NF2: variants seen among roughly 807,000 people sequenced by gnomAD.
NF2 encodes the protein NF2, moesin-ezrin-radixin like (MERLIN) tumor suppressor.
In NF2, 8 loss-of-function variants were observed where a neutral mutation model predicts 83.7. The ratio of observed to expected loss-of-function variants is 0.10; its 90% CI spans 0.06 to 0.17. The LOEUF (loss-of-function observed/expected upper bound fraction) is 0.17, where lower values mean the gene tolerates loss of function less well. NF2 is among the 10% of genes least tolerant of loss of function. The pLI is 1.00. For synonymous variants in NF2, 266 were observed against 269.6 expected, an observed-to-expected ratio of 0.99 and a Z score of 0.13; for missense variants, 533 against 744.4, an observed-to-expected ratio of 0.72 and a Z score of 3.31.
At chr22:29,622,644 G>GTTTTTTTTTTTTT (rs1272153540) in intron 1 of NF2, among the ~76,000 whole-genome samples, 1 of 98,610 alleles carries the variant, frequency 1.0e-5, no homozygotes, top group African/African-American at 3.6e-5. Context: ...GGAAGACCCT[G>GTTTTTTTTTTTTT]TATTTTTTTT....
At chr22:29,632,151 G>T (rs909607568) in intron 1 of NF2, among the ~76,000 whole-genome samples, 2 of 151,754 alleles carry the variant, frequency 1.3e-5, no homozygotes, top group Non-Finnish European at 1.5e-5. Flanking sequence ...TTTTTATTTT[G>T]TTTTTTTTGT....
chr22:29,667,496 T>C (rs1378060136), intron 9 of NF2, among the ~76,000 whole-genome samples: 2 of 152,110 alleles, frequency 1.3e-5, no homozygotes, highest in Admixed American at 6.6e-5. Flanking sequence ...CTGCCTCCCC[T>C]TCCCAAAGTG....
Position 29,695,662 on chromosome 22 carries a change from C to T in NF2, c.*860C>T, listed in dbSNP as rs962811939. 1.4e-4 allele frequency: 32 copies of T among 233,756 alleles called. No homozygotes were observed. Among genetic ancestry groups the T allele is most frequent in the African/African-American group, 5.1e-4 (23 of 45,464 alleles). 14.5% of individuals were successfully genotyped at this position (233,756 alleles called of 1,614,324 possible). A position where few individuals can be genotyped will look rare whatever the true frequency, so the allele number is the denominator to read the frequency against. On this transcript the variant is annotated 3_prime_UTR_variant, in exon 16 of 16. Transcript: ENST00000338641. The surrounding 1 kb of genome is among the most constrained non-coding windows in gnomAD (Gnocchi z 5.4). ...CCCTGGTCGTACTGCAGTCAGCACCCGTAACCCGGCTATGACCAGGGATCT... is the reference window on the plus strand; with the variant it reads ...CCCTGGTCGTACTGCAGTCAGCACCTGTAACCCGGCTATGACCAGGGATCT...
chr22:29,644,010 G>GC (rs1167380278), intron 4 of NF2, among the ~76,000 whole-genome samples: 7 of 120,640 alleles, frequency 5.8e-5, no homozygotes, highest in African/African-American at 2.3e-4. Context: ...GGCTGGCCTG[G>GC]CCGGGGGGCT....
chr22:29,612,335 AT>A (rs891333490), intron 1 of NF2, among the ~76,000 whole-genome samples: 84 of 147,908 alleles, frequency 5.7e-4, no homozygotes, highest in Middle Eastern at 3.5e-3. Flanking sequence ...TAATTAATTG[AT>A]TTTTTTTTTT....
chr22:29,629,792 G>A (rs967320390), intron 1 of NF2, among the ~76,000 whole-genome samples: 10 of 152,162 alleles, frequency 6.6e-5, no homozygotes, highest in Admixed American at 2.6e-4. Flanking sequence ...GGCATTCTTC[G>A]TGTGGCTGAT....
intron 1 of NF2, among the ~76,000 whole-genome samples, chr22:29,616,746 A>G (rs2065090612): frequency 7.2e-6 from 1 of 139,386 alleles, no homozygotes; most frequent in Non-Finnish European, 1.6e-5. Flanking sequence ...CCGTCTCAAG[A>G]AAAAAAAAAA....
At chr22:29,637,073 C>G (rs2065670061) in intron 2 of NF2, among the ~76,000 whole-genome samples, 197 bp downstream of exon 2, 1 of 152,216 alleles carries the variant, frequency 6.6e-6, no homozygotes, top group South Asian at 2.1e-4. Flanking sequence ...CCTGGGCAAG[C>G]AGAAGTTACC....
chr22:29,678,263 T>G lies in NF2; in HGVS notation c.1514T>G (p.Leu505Arg). 6.2e-7 allele frequency: 1 copy of G among 1,614,134 alleles called. No homozygotes were observed. The stretch of plus-strand genomic sequence containing the variant: ...AGCTTCAACCTCATTGGTGACAGCC[T>G]GTCTTTCGACTTCAAAGATACTGAC... ...IPSFNLIGDSLSFDFKDTDMK... is the reference protein window; with the variant it reads ...IPSFNLIGDSRSFDFKDTDMK... Residue 505 changes from leucine to arginine, a missense_variant, in exon 14 of 16, where the codon CTG (leucine) becomes CGG (arginine). Leu to Arg is a moderately radical substitution (Grantham distance 102, BLOSUM62 -2). Coordinates refer to ENST00000338641, the MANE Select transcript of NF2 (RefSeq NM_000268.4).
At chr22:29,661,459 T>C (rs1040592352) in intron 8 of NF2, 120 bp downstream of exon 8, 2 of 1,425,758 alleles carry the variant, frequency 1.4e-6, no homozygotes, top group Admixed American at 1.7e-5. Context: ...ATTCCCAGGC[T>C]TTGAGGGTGT....
At chr22:29,638,246 G>C (rs2065700162) in intron 2 of NF2, among the ~76,000 whole-genome samples, 1 of 152,090 alleles carries the variant, frequency 6.6e-6, no homozygotes, top group South Asian at 2.1e-4. Flanking sequence ...ATCTCTGGAG[G>C]TTCCTTGAAA....
At chr22:29,685,738 C>G (rs1412675442) in intron 15 of NF2, among the ~76,000 whole-genome samples, 1 of 152,166 alleles carries the variant, frequency 6.6e-6, no homozygotes, top group Non-Finnish European at 1.5e-5. Context: ...TTTCAGTACT[C>G]TTCTGCCTCA....
intron 9 of NF2, among the ~76,000 whole-genome samples, chr22:29,666,585 G>T (rs994291222): frequency 6.6e-6 from 1 of 152,108 alleles, no homozygotes; most frequent in African/African-American, 2.4e-5. Flanking sequence ...AGAGGTCAAG[G>T]CAGGATAACT....
At chr22:29,653,551 A>C (rs1350907341) in intron 4 of NF2, among the ~76,000 whole-genome samples, 3 of 152,152 alleles carry the variant, frequency 2.0e-5, no homozygotes, top group Non-Finnish European at 4.4e-5. Context: ...CAAAAGAAAT[A>C]TGAATTCATG....
rs961938458 is a variant in NF2 at position 29,611,259 on chromosome 22, C to T, written c.114+7147C>T. Reference sequence around the variant, plus strand: ...GACTGAGGCCAGGCACAGTGGCTCACGCCTGTAATCCTAACACTTTAGGAG... The same window carrying T: ...GACTGAGGCCAGGCACAGTGGCTCATGCCTGTAATCCTAACACTTTAGGAG... On this transcript the variant is annotated intron_variant, in intron 1 of 15. Transcript: ENST00000338641. Among the ~76,000 whole-genome samples, 14 of 152,296 alleles carry T rather than the reference C, an allele frequency of 9.2e-5. No homozygotes were observed. In the South Asian group the frequency reaches 1.4e-3, roughly 16 times the overall value.
Position 29,698,595 on chromosome 22 carries a change from A to G in NF2, c.*3793A>G. ...TGTTTTAATAAAAATTCTAAGCTGG[A>G]AAATACTTGCCTTGGGCTTCCTCAG... is the stretch of plus-strand genomic sequence containing the variant. On this transcript the variant is annotated 3_prime_UTR_variant, in exon 16 of 16. Transcript: ENST00000338641. The G allele has an allele frequency of 5.5e-6, 1 of 180,854 alleles. No homozygotes were observed. Among genetic ancestry groups the G allele is most frequent in the Admixed American group, 6.3e-5 (1 of 15,936 alleles). The allele number at this position is 180,854 out of a possible 1,614,324, so 11.2% of individuals were successfully genotyped here.
At chr22:29,634,340 A>G (rs1247750411) in intron 1 of NF2, among the ~76,000 whole-genome samples, 1 of 152,236 alleles carries the variant, frequency 6.6e-6, no homozygotes, top group Non-Finnish European at 1.5e-5. Flanking sequence ...GCAAGTGCCA[A>G]GGGGACAAAT....
rs528515065 is a variant in NF2 at position 29,683,953 on chromosome 22, G to A, written c.1737+2352G>A. ...TCCCCAGTAGTACCCATGCCAACAA[G>A]CCCCACACCACCTGACAGCAGCATA... On this transcript the variant is annotated intron_variant, in intron 15 of 15. Coordinates refer to ENST00000338641, the MANE Select transcript of NF2 (RefSeq NM_000268.4). 4 of 1,021,498 alleles carry A rather than the reference G, an allele frequency of 3.9e-6. No homozygotes were observed. In the East Asian group the frequency reaches 2.5e-4, roughly 64 times the overall value. 63.3% of individuals were successfully genotyped at this position (1,021,498 alleles called of 1,614,324 possible).
Position 29,605,353 on chromosome 22 carries a change from C to T in NF2, c.114+1241C>T, listed in dbSNP as rs2064761619. 2.0e-5 allele frequency among the ~76,000 whole-genome samples: 3 copies of T among 152,096 alleles called. No individual in the cohort carries two copies. The South Asian group carries it at 6.2e-4, about 31-fold the overall frequency. On this transcript the variant is annotated intron_variant, in intron 1 of 15. Transcript: ENST00000338641. ...CTAATTTTTCTATTTTTAGTAGAGA[C>T]AGGGTTTCACCATATTGGGCAGGCT...
Sources: gnomAD v4.1 joint callset for allele counts (sites outside exome capture counted in the v4.1 genomes callset) on GRCh38, gnomAD v4.1.1 for gene constraint, Gnocchi (gnomAD v3.1) non-coding constraint, MANE v1.5 for transcripts, NCBI Gene and HGNC (gene_info 2026-07-23, HGNC 2026-07-21) for gene names.